The following E2F7 variants were observed in gnomAD, a reference collection of about 807,000 sequenced individuals.
E2F7 encodes E2F transcription factor 7.
Under a neutral mutation model 81.1 loss-of-function variants are expected in E2F7, and 35 were observed. The observed-to-expected ratio is 0.43, with a 90% CI of 0.33 to 0.57. E2F7 has a LOEUF of 0.57. Among genes scored for constraint, E2F7 ranks in the 20% least tolerant of loss-of-function variants. The pLI is 0.04. For missense variants in E2F7, 961 were observed against 1,093.7 expected (o/e 0.88, Z 1.71); for synonymous variants, 416 against 416.2 (o/e 1.00, Z 0.01).
At chr12:77,047,520 G>C (rs1024027314) in intron 4 of E2F7, among the ~76,000 whole-genome samples, 8 of 152,168 alleles carry the variant, frequency 5.3e-5, no homozygotes, top group Non-Finnish European at 1.5e-5. Flanking sequence ...AAAGCCTCCA[G>C]GCATCTTGCA....
At chr12:77,060,073 C>G (rs1955066609) in intron 2 of E2F7, among the ~76,000 whole-genome samples, 3 of 152,132 alleles carry the variant, frequency 2.0e-5, no homozygotes, top group East Asian at 3.9e-4. Context: ...TATTGCAGCT[C>G]CACTTTTCCT....
chr12:77,028,419 T>A (rs1954776962), intron 10 of E2F7, among the ~76,000 whole-genome samples: 1 of 151,952 alleles, frequency 6.6e-6, no homozygotes, highest in Non-Finnish European at 1.5e-5. Context: ...CTCGAACTCC[T>A]GACCTCAGGT....
intron 1 of E2F7, 124 bp from the exon 2 acceptor site, chr12:77,064,759 G>A: frequency 1.3e-6 from 1 of 786,494 alleles, no homozygotes; most frequent in Non-Finnish European, 2.0e-6. Flanking sequence ...AGCACATCCT[G>A]GGCATTTCCA....
intron 4 of E2F7, 107 bp from the exon 5 acceptor site, chr12:77,046,435 A>G (rs1353892675): frequency 1.6e-5 from 19 of 1,201,426 alleles, no homozygotes; most frequent in South Asian, 9.4e-5. Flanking sequence ...CTGATCCCCA[A>G]TATAATGCCC....
chr12:77,063,068 C>T (rs542346424), intron 2 of E2F7, among the ~76,000 whole-genome samples: 7 of 152,266 alleles, frequency 4.6e-5, no homozygotes, highest in Admixed American at 1.3e-4. Flanking sequence ...CGTCCTGCTT[C>T]GGATGTGACT....
Position 77,030,476 on chromosome 12 carries a change from G to T in E2F7, c.1383-144C>A, listed in dbSNP as rs544089000. 5.0e-5 allele frequency: 52 copies of T among 1,044,386 alleles called. No individual in the cohort carries two copies. The South Asian group carries it at 9.1e-4, about 18-fold the overall frequency. The allele number at this position is 1,044,386 out of a possible 1,614,324, so 64.7% of individuals were successfully genotyped here. On this transcript the variant is annotated intron_variant, in intron 9 of 12. Transcript: ENST00000322886. Reference sequence around the variant, plus strand: ...AAGCGCACTTGCTGAGCACGTGTTAGCTCATCCCAGAGTTAGACGCCCAGG... The same window carrying T: ...AAGCGCACTTGCTGAGCACGTGTTATCTCATCCCAGAGTTAGACGCCCAGG...
intron 3 of E2F7, among the ~76,000 whole-genome samples, chr12:77,054,955 T>C (rs1955020329): frequency 6.6e-6 from 1 of 152,072 alleles, no homozygotes; most frequent in African/African-American, 2.4e-5. Context: ...GATTTGAACC[T>C]AAGGCCTTAG....
In E2F7 at chr12:77,065,499, G is replaced by A. The variant is rs1211220022; in HGVS notation, c.-155C>T. 1 of 152,388 alleles carries A rather than the reference G, an allele frequency of 6.6e-6. No individual in the cohort carries two copies. Among genetic ancestry groups the A allele is most frequent in the Non-Finnish European group, 1.5e-5 (1 of 68,194 alleles). 9.4% of individuals were successfully genotyped at this position (152,388 alleles called of 1,614,324 possible). A position where few individuals can be genotyped will look rare whatever the true frequency, so the allele number is the denominator to read the frequency against. On this transcript the variant is annotated 5_prime_UTR_variant, in exon 1 of 13. Coordinates refer to ENST00000322886, the MANE Select transcript of E2F7 (RefSeq NM_203394.3). ...CCGCGCCGAGTGCCCTGGGCTGGCGGGGACCCCGCGGCGTCCGGGCAGCGC... is the reference window on the plus strand; with the variant it reads ...CCGCGCCGAGTGCCCTGGGCTGGCGAGGACCCCGCGGCGTCCGGGCAGCGC...
intron 3 of E2F7, among the ~76,000 whole-genome samples, chr12:77,054,349 ATTGTAT>A (rs1955014186): frequency 6.6e-6 from 1 of 152,286 alleles, no homozygotes; most frequent in Non-Finnish European, 1.5e-5. Flanking sequence ...AAAAAAATCA[ATTGTAT>A]TTGTATATAC....
rs956548038 is a variant in E2F7 at position 77,030,325 on chromosome 12, C to A, written c.1390G>T (p.Ala464Ser). The A allele has an allele frequency of 6.5e-7, 1 of 1,533,494 alleles. No homozygotes were observed. Among genetic ancestry groups the A allele is most frequent in the Non-Finnish European group, 8.8e-7 (1 of 1,141,544 alleles). 95.0% of individuals were successfully genotyped at this position (1,533,494 alleles called of 1,614,324 possible). A position where few individuals can be genotyped will look rare whatever the true frequency, so the allele number is the denominator to read the frequency against. ...GGCACCACTCTCTTACTGGCAAAGG[C>A]TTTTCCCCTATAATAAAAAAGAAAC... The part of the protein sequence containing the change: ...QKIEDNSQGK[A>S]FASKRVVPPS... The change falls in exon 10 of 13, where the codon GCC (alanine) becomes TCC (serine). Residue 464 changes from alanine to serine, a missense_variant. Physicochemically the swap from Ala to Ser is moderately conservative, Grantham distance 99 (BLOSUM62 1). Coordinates refer to ENST00000322886, the MANE Select transcript of E2F7 (RefSeq NM_203394.3).
chr12:77,061,392 T>C (rs531962871), intron 2 of E2F7, among the ~76,000 whole-genome samples: 2 of 152,308 alleles, frequency 1.3e-5, no homozygotes, highest in Non-Finnish European at 1.5e-5. Context: ...TCCCCAAATA[T>C]GCCATGCTCA....
rs1565898459 is a variant in E2F7 at position 77,033,918 on chromosome 12, A to G, written c.1248T>C (p.Ala416=). ...TCACTTTCCTCTGGATCCTCTCAGA[A>G]GCCTGAACTGTGTTAAAAGAACCAT... ...ARHGSFNTVQ[A]SERIQRKVNS... is the part of the protein sequence containing the mutation. Residue 416 remains alanine, a synonymous_variant, in exon 8 of 13, where the codon GCT becomes GCC. Coordinates refer to ENST00000322886, the MANE Select transcript of E2F7 (RefSeq NM_203394.3). The G allele has an allele frequency of 6.2e-7, 1 of 1,614,058 alleles. No homozygotes were observed. The highest frequency in any genetic ancestry group is 1.7e-5 in the Admixed American group (1 of 60,002).
chr12:77,042,947 C>A (rs928781849), intron 7 of E2F7, 118 bp downstream of exon 7: 4 of 1,492,006 alleles, frequency 2.7e-6, no homozygotes, highest in African/African-American at 2.8e-5. Flanking sequence ...AGTCACTAGT[C>A]TATTTTGTAT....
At chr12:77,033,188 G>A in intron 8 of E2F7, 66 bp from the exon 9 acceptor site, 1 of 1,346,976 alleles carries the variant, frequency 7.4e-7, no homozygotes, top group Non-Finnish European at 1.0e-6. Flanking sequence ...TATATACTGA[G>A]AATTATCTAG....
At chr12:77,035,863 A>C (rs1954845044) in intron 7 of E2F7, among the ~76,000 whole-genome samples, 2 of 151,574 alleles carry the variant, frequency 1.3e-5, no homozygotes, top group Non-Finnish European at 2.9e-5. Context: ...TCTTAGAGAC[A>C]TCAAAAATAT....
chr12:77,047,560 CTTTCA>C (rs764331334), intron 4 of E2F7, among the ~76,000 whole-genome samples: 23 of 152,236 alleles, frequency 1.5e-4, no homozygotes, highest in Non-Finnish European at 3.4e-4. Context: ...AAGAAGCCTT[CTTTCA>C]TTTCACTTGC....
Position 77,025,709 on chromosome 12 carries a change from T to G in E2F7, c.2414A>C (p.Lys805Thr). The G allele has an allele frequency of 6.2e-7, 1 of 1,614,174 alleles. No homozygotes were observed. Among genetic ancestry groups the G allele is most frequent in the Non-Finnish European group, 8.5e-7 (1 of 1,180,046 alleles). ...LVGPTAVVNPKSSTLPSADPQ... is the reference protein window; with the variant it reads ...LVGPTAVVNPTSSTLPSADPQ... The stretch of plus-strand genomic sequence containing the variant: ...GTCTGCAGAAGGGAGTGTGGACGAC[T>G]TTGGATTAACCACAGCTGTGGGGCC... Residue 805 changes from lysine (K) to threonine (T), a missense_variant, in exon 12 of 13, where the codon AAG (lysine) becomes ACG (threonine). Coordinates refer to ENST00000322886, the MANE Select transcript of E2F7 (RefSeq NM_203394.3).
At chr12:77,057,108 A>C (rs1955039761) in intron 2 of E2F7, among the ~76,000 whole-genome samples, 1 of 152,074 alleles carries the variant, frequency 6.6e-6, no homozygotes, top group Non-Finnish European at 1.5e-5. Flanking sequence ...GCTGGAGGGC[A>C]GTGGCATGAT....
chr12:77,056,101 C>T lies in E2F7; in HGVS notation c.123G>A (p.Met41Ile), dbSNP rs139386734. 27 of 1,603,916 alleles carry T rather than the reference C, an allele frequency of 1.7e-5. No homozygotes were observed. In the African/African-American group the frequency reaches 2.3e-4, roughly 14 times the overall value. The change falls in exon 3 of 13, where the codon ATG (methionine) becomes ATA (isoleucine). Residue 41 changes from methionine to isoleucine, a missense_variant. By Grantham distance (10) the Met-to-Ile change is conservative. This residue lies in a region of E2F7 where 73 missense variants were observed against 68.4 expected (regional missense o/e 1.07). Transcript: ENST00000322886. ...KENIFVDRSR[M>I]APKTPIKNEP... The stretch of plus-strand genomic sequence containing the variant: ...CATTTTTTATTGGAGTCTTCGGGGC[C>T]ATCCTTGATCGATCAACAAATATAT...
Sources: allele counts gnomAD v4.1 joint callset (sites outside exome capture counted in the v4.1 genomes callset), GRCh38; gene constraint gnomAD v4.1.1; regional missense constraint gnomAD v4.1.1; transcripts MANE v1.5; gene names NCBI Gene and HGNC (gene_info 2026-07-23, HGNC 2026-07-21).